Variants in KDM4C observed in about 807,000 individuals in gnomAD.
KDM4C encodes the protein lysine-specific demethylase 4C.
A neutral mutation model predicts 129.3 loss-of-function variants in KDM4C; 81 were observed. The ratio of observed to expected loss-of-function variants is 0.63; its 90% CI spans 0.52 to 0.75. The LOEUF (loss-of-function observed/expected upper bound fraction) is 0.75, where lower values mean the gene tolerates loss of function less well. Among genes scored for constraint, KDM4C ranks in the 30% least tolerant of loss-of-function variants. KDM4C has a pLI of 0.00. For synonymous variants in KDM4C, 573 were observed against 456.1 expected, an observed-to-expected ratio of 1.26 and a Z score of -3.26; for missense variants, 1,457 against 1,304.0, an observed-to-expected ratio of 1.12 and a Z score of -1.81.
intron 17 of KDM4C, among the ~76,000 whole-genome samples, chr9:7,056,076 G>A (rs1830823316): frequency 6.6e-6 from 1 of 152,100 alleles, no homozygotes; most frequent in South Asian, 2.1e-4. Context: ...GAAGTTCTAA[G>A]AAAATAATAA....
intron 12 of KDM4C, among the ~76,000 whole-genome samples, chr9:6,997,383 A>G (rs1206344599): frequency 6.6e-6 from 1 of 152,222 alleles, no homozygotes; most frequent in Admixed American, 6.5e-5. Flanking sequence ...AAAGTGGAAA[A>G]CAAAATCCAG....
At chr9:7,059,578 T>C (rs572097631) in intron 17 of KDM4C, among the ~76,000 whole-genome samples, 7 of 152,220 alleles carry the variant, frequency 4.6e-5, no homozygotes, top group Non-Finnish European at 1.0e-4. Context: ...TCATGAAGAA[T>C]GTCCATGATT....
chr9:6,860,045 A>G (rs1451309664), intron 5 of KDM4C, among the ~76,000 whole-genome samples: 1 of 152,168 alleles, frequency 6.6e-6, no homozygotes, highest in Admixed American at 6.5e-5. Context: ...TTCTTTTTAC[A>G]CCATCAACTT....
At position 6,990,478 on chromosome 9, in the gene KDM4C, A is replaced by C; in HGVS notation, c.1740A>C (p.Ala580=). The change falls in exon 12 of 22, where the codon GCA becomes GCC. Residue 580 remains alanine, a synonymous_variant. Transcript: ENST00000381309. ...SWRHPLSRPP[A]RSPMTLVKQQ... ...GCCATCCACTTAGCAGGCCTCCAGCAAGATCTCCGATGACTCTTGTGAAGC... is the reference window on the plus strand; with the variant it reads ...GCCATCCACTTAGCAGGCCTCCAGCCAGATCTCCGATGACTCTTGTGAAGC... 6.2e-7 allele frequency: 1 copy of C among 1,613,894 alleles called. No homozygotes were observed. The highest frequency in any genetic ancestry group is 1.1e-5 in the South Asian group (1 of 91,062).
At chr9:7,046,173 T>C (rs572873153) in intron 15 of KDM4C, among the ~76,000 whole-genome samples, 2 of 151,928 alleles carry the variant, frequency 1.3e-5, no homozygotes, top group Admixed American at 6.6e-5. Context: ...TTTGTAGCAA[T>C]TGGAGTCATC....
intron 4 of KDM4C, among the ~76,000 whole-genome samples, chr9:6,843,607 C>G (rs1837359941): frequency 6.6e-6 from 1 of 152,146 alleles, no homozygotes. Context: ...GTAGCTCTGC[C>G]ATGAAAGGCG....
At chr9:6,954,025 G>T (rs751188212) in intron 8 of KDM4C, among the ~76,000 whole-genome samples, 1 of 152,078 alleles carries the variant, frequency 6.6e-6, no homozygotes, top group Non-Finnish European at 1.5e-5. Flanking sequence ...CAAACCTTGC[G>T]CATAGGACTT....
chr9:7,122,249 A>ACC (rs1406155323), intron 18 of KDM4C, among the ~76,000 whole-genome samples: 2 of 123,938 alleles, frequency 1.6e-5, no homozygotes, highest in Non-Finnish European at 3.4e-5. Flanking sequence ...CCACACACAC[A>ACC]CACACACACA....
At chr9:6,752,635 C>T (rs1818110861) in intron 1 of KDM4C, among the ~76,000 whole-genome samples, 1 of 151,772 alleles carries the variant, frequency 6.6e-6, no homozygotes, top group Admixed American at 6.6e-5. Context: ...ATCTCAAACT[C>T]CTGACCTCAG....
At chr9:6,845,687 C>T (rs1365952934) in intron 4 of KDM4C, among the ~76,000 whole-genome samples, 1 of 152,206 alleles carries the variant, frequency 6.6e-6, no homozygotes, top group Non-Finnish European at 1.5e-5. Context: ...TGGGGCAGGA[C>T]AGGCTCCAAC....
At chr9:6,797,503 T>G (rs1439710438) in intron 2 of KDM4C, among the ~76,000 whole-genome samples, 2 of 152,206 alleles carry the variant, frequency 1.3e-5, no homozygotes, top group African/African-American at 4.8e-5. Context: ...ATGGTCAGGT[T>G]GCGAAAGTGA....
intron 15 of KDM4C, among the ~76,000 whole-genome samples, chr9:7,026,626 A>T (rs1487474346): frequency 6.6e-6 from 1 of 151,908 alleles, no homozygotes; most frequent in Non-Finnish European, 1.5e-5. Flanking sequence ...CATTAATATC[A>T]TTCCCTAGGT....
intron 18 of KDM4C, among the ~76,000 whole-genome samples, chr9:7,125,305 C>G (rs1244576858): frequency 1.3e-5 from 2 of 152,110 alleles, no homozygotes; most frequent in Non-Finnish European, 2.9e-5. Flanking sequence ...GCTGCAAGCC[C>G]AGGAATGAGG....
chr9:6,909,982 TAATA>T (rs1357486299), intron 8 of KDM4C, among the ~76,000 whole-genome samples: 1 of 152,186 alleles, frequency 6.6e-6, no homozygotes, highest in Admixed American at 6.5e-5. Context: ...TTAATATCCT[TAATA>T]AGGTGCATGT....
chr9:6,814,010 C>A (rs1831632399), intron 3 of KDM4C, among the ~76,000 whole-genome samples: 1 of 152,082 alleles, frequency 6.6e-6, no homozygotes, highest in South Asian at 2.1e-4. Context: ...GTACACATCT[C>A]TCTGTTGTTA....
intron 17 of KDM4C, among the ~76,000 whole-genome samples, chr9:7,054,516 T>C (rs1389969286): frequency 3.9e-5 from 6 of 152,198 alleles, no homozygotes; most frequent in African/African-American, 1.4e-4. Flanking sequence ...GATGGGACTT[T>C]AGAGATAACA....
rs1336933691 is a variant in KDM4C, at chr9:7,105,559, C to T, written c.2610+1689C>T. On this transcript the variant is annotated intron_variant, in intron 18 of 21. Transcript: ENST00000381309. ...AACCTAAGTTCAGAGAGGTTTAATT[C>T]CTTGCCCAAATAGATGCAGATAATG... 15 of 437,622 alleles carry T rather than the reference C, an allele frequency of 3.4e-5. 1 individual carries two copies. Among genetic ancestry groups the T allele is most frequent in the South Asian group, 1.8e-4 (11 of 60,996 alleles). The allele number at this position is 437,622 out of a possible 1,614,324, so 27.1% of individuals were successfully genotyped here.
At chr9:6,747,950 G>T (rs1443438751) in intron 1 of KDM4C, among the ~76,000 whole-genome samples, 1 of 152,126 alleles carries the variant, frequency 6.6e-6, no homozygotes, top group Admixed American at 6.6e-5. Context: ...GGCCAAGGCC[G>T]GTGGCTCACT....
intron 17 of KDM4C, chr9:7,076,654 T>G (rs542413326): frequency 7.6e-7 from 1 of 1,312,788 alleles, no homozygotes; most frequent in African/African-American, 1.5e-5. Context: ...CCCTTTTGTA[T>G]CTGTCATTTT....
Sources: gnomAD v4.1 joint callset for allele counts (sites outside exome capture counted in the v4.1 genomes callset) on GRCh38, gnomAD v4.1.1 for gene constraint, MANE v1.5 for transcripts, NCBI Gene and HGNC (gene_info 2026-07-23, HGNC 2026-07-21) for gene names.